Variants in MICU3 observed in about 807,000 individuals in gnomAD.
MICU3 encodes the protein mitochondrial calcium uptake 3.
MICU3 carries 62 observed loss-of-function variants against 66.5 expected under a neutral mutation model. That is an observed-to-expected ratio of 0.93 (90% CI 0.76 to 1.15). The LOEUF (loss-of-function observed/expected upper bound fraction) is 1.15. Among genes scored for constraint, MICU3 ranks in the 50% most tolerant of loss-of-function variants. The pLI is 0.00. For missense variants in MICU3, 779 were observed against 664.4 expected (o/e 1.17, Z -1.90); for synonymous variants, 308 against 240.7 (o/e 1.28, Z -2.59).
At chr8:17,104,045 A>G (rs771828718) in intron 9 of MICU3, among the ~76,000 whole-genome samples, 1 of 151,946 alleles carries the variant, frequency 6.6e-6, no homozygotes, top group African/African-American at 2.4e-5. Context: ...AATTACTTGA[A>G]TAAAAATAGA....
intron 2 of MICU3, among the ~76,000 whole-genome samples, chr8:17,066,432 T>A (rs2150647876): frequency 6.6e-6 from 1 of 150,592 alleles, no homozygotes; most frequent in Non-Finnish European, 1.5e-5. Context: ...AAGGAATTTG[T>A]TAGATGCTAA....
chr8:17,071,686 T>G lies in MICU3; in HGVS notation c.567+1967T>G, dbSNP rs139739786. Among the ~76,000 whole-genome samples the G allele has an allele frequency of 2.2e-3, 328 of 152,278 alleles. 2 individuals are homozygous for G. The highest frequency in any genetic ancestry group is 7.2e-3 in the African/African-American group (301 of 41,552). The stretch of plus-strand genomic sequence containing the variant: ...GAAAAATGTAAAAATACATAAATTT[T>G]AGATTTGTTTAAATTTAATAAAAGT... On this transcript the variant is annotated intron_variant, in intron 3 of 14. Transcript: ENST00000318063.
chr8:17,058,090 T>C (rs1258867483), intron 1 of MICU3, among the ~76,000 whole-genome samples: 5 of 152,152 alleles, frequency 3.3e-5, no homozygotes, highest in African/African-American at 1.2e-4. Flanking sequence ...CCGCAGGTGA[T>C]CCACCCGCCT....
chr8:17,105,413 A>C lies in MICU3; in HGVS notation c.1086A>C (p.Arg362Ser). Residue 362 changes from arginine (R) to serine (S), a missense_variant and splice_region_variant, in exon 11 of 15, where the codon AGA becomes AGC. Transcript: ENST00000318063. Reference sequence around the variant, plus strand: ...CTTCTTTATTACATTTTTGTCATAGATTCATGGATAATCTCCAAACAGAAG... The same window carrying C: ...CTTCTTTATTACATTTTTGTCATAGCTTCATGGATAATCTCCAAACAGAAG... ...KAELNFEDFY[R>S]FMDNLQTEVL... is the part of the protein sequence containing the mutation. The C allele has an allele frequency of 6.6e-7, 1 of 1,517,008 alleles. No homozygotes were observed. The highest frequency in any genetic ancestry group is 1.2e-5 in the South Asian group (1 of 80,454). 94.0% of individuals were successfully genotyped at this position (1,517,008 alleles called of 1,614,324 possible).
chr8:17,093,774 A>T (rs1800345153), intron 8 of MICU3, among the ~76,000 whole-genome samples: 1 of 151,930 alleles, frequency 6.6e-6, no homozygotes, highest in Non-Finnish European at 1.5e-5. Flanking sequence ...TATCAGAATG[A>T]ATATACTACC....
At chr8:17,092,804 G>A (rs181781691) in intron 8 of MICU3, among the ~76,000 whole-genome samples, 8 of 152,138 alleles carry the variant, frequency 5.3e-5, no homozygotes, top group Admixed American at 5.2e-4. Flanking sequence ...TTAGTATGGT[G>A]TTGTGAATTA....
chr8:17,101,315 C>T (rs1231359066), intron 9 of MICU3, among the ~76,000 whole-genome samples: 1 of 151,764 alleles, frequency 6.6e-6, no homozygotes, highest in Non-Finnish European at 1.5e-5. Context: ...CTATTTTTCT[C>T]TCAGTCCTTG....
chr8:17,035,149 C>T (rs932701645), intron 1 of MICU3, among the ~76,000 whole-genome samples: 20 of 152,180 alleles, frequency 1.3e-4, no homozygotes, highest in African/African-American at 4.6e-4. Flanking sequence ...TTTCACCTTT[C>T]GCCATGATTG....
chr8:17,028,270 C>CAGA (rs768698738), intron 1 of MICU3, among the ~76,000 whole-genome samples: 33 of 152,070 alleles, frequency 2.2e-4, no homozygotes, highest in Non-Finnish European at 2.6e-4. Context: ...CCACTAAAGC[C>CAGA]AGAATCCCGT....
At chr8:17,128,820 G>A in the MICU3 span, among the ~76,000 whole-genome samples, 6 of 152,156 alleles carry the variant, frequency 3.9e-5, no homozygotes, top group African/African-American at 1.4e-4. Flanking sequence ...TCAAGTAGCT[G>A]GCTGAAATTT....
At chr8:17,064,332 G>A in intron 2 of MICU3, 95 bp downstream of exon 2, 1 of 866,548 alleles carries the variant, frequency 1.2e-6, no homozygotes, top group South Asian at 2.1e-5. Flanking sequence ...TAGAAGAACT[G>A]AGTAATGTGG....
intron 8 of MICU3, among the ~76,000 whole-genome samples, chr8:17,094,145 G>A (rs1192569870): frequency 1.3e-5 from 2 of 151,872 alleles, no homozygotes; most frequent in African/African-American, 4.8e-5. Flanking sequence ...TTATGTAACT[G>A]GCATCATGTT....
chr8:17,047,197 A>C (rs1316848022), intron 1 of MICU3, among the ~76,000 whole-genome samples: 1 of 152,226 alleles, frequency 6.6e-6, no homozygotes, highest in East Asian at 1.9e-4. Context: ...TAAAGAATCA[A>C]ATAGAATTTC....
chr8:17,072,785 T>C (rs1044927231), intron 3 of MICU3, among the ~76,000 whole-genome samples: 2 of 152,192 alleles, frequency 1.3e-5, no homozygotes, highest in African/African-American at 4.8e-5. Context: ...GATACGATAC[T>C]ATTTGACACC....
chr8:17,137,294 C>T, the MICU3 span, among the ~76,000 whole-genome samples: 1 of 151,920 alleles, frequency 6.6e-6, no homozygotes, highest in East Asian at 1.9e-4. Context: ...GTTCTATTTG[C>T]ATTTAAAACT....
At chr8:17,052,756 A>T (rs1050415046) in intron 1 of MICU3, among the ~76,000 whole-genome samples, 4 of 152,200 alleles carry the variant, frequency 2.6e-5, no homozygotes, top group African/African-American at 7.2e-5. Context: ...TCGACCACCC[A>T]GCAAGCAAAG....
downstream of MICU3, among the ~76,000 whole-genome samples, chr8:17,123,534 A>T (rs746283242): frequency 2.6e-5 from 4 of 152,078 alleles, no homozygotes; most frequent in East Asian, 7.7e-4. Context: ...CATTGAAAGG[A>T]TAGTTATATA....
chr8:17,060,847 T>C (rs964974580), intron 1 of MICU3, among the ~76,000 whole-genome samples: 2 of 151,830 alleles, frequency 1.3e-5, no homozygotes, highest in Non-Finnish European at 2.9e-5. Context: ...CCAAACTCCT[T>C]ACTGACCTTC....
chr8:17,075,861 T>C (rs886737351), intron 3 of MICU3, among the ~76,000 whole-genome samples: 2 of 151,886 alleles, frequency 1.3e-5, no homozygotes, highest in African/African-American at 4.8e-5. Flanking sequence ...AAAAGCTAGC[T>C]TTGATTTTTC....
Sources: gnomAD v4.1 joint callset for allele counts (sites outside exome capture counted in the v4.1 genomes callset) on GRCh38, gnomAD v4.1.1 for gene constraint, MANE v1.5 for transcripts, NCBI Gene and HGNC (gene_info 2026-07-23, HGNC 2026-07-21) for gene names.